The following THSD7B variants were observed in gnomAD, a reference collection of about 807,000 sequenced individuals.
The protein encoded by THSD7B is thrombospondin type-1 domain-containing protein 7B.
A neutral mutation model predicts 213.6 loss-of-function variants in THSD7B; 138 were observed. The observed-to-expected ratio is 0.65, with a 90% CI of 0.56 to 0.74. The LOEUF is 0.74. Ranked by LOEUF, THSD7B falls within the 30% of genes least tolerant of loss-of-function variation. The pLI is 0.00. For missense variants in THSD7B, 1,931 were observed against 1,991.5 expected, an observed-to-expected ratio of 0.97 and a Z score of 0.58; for synonymous variants, 742 against 687.0, an observed-to-expected ratio of 1.08 and a Z score of -1.25.
intron 10 of THSD7B, among the ~76,000 whole-genome samples, chr2:137,250,458 C>T (rs563784287): frequency 5.9e-5 from 9 of 152,148 alleles, no homozygotes; most frequent in African/African-American, 2.2e-4. Context: ...TTACCTCAAC[C>T]TTATGTTGAA....
chr2:137,366,480 G>A (rs1293136316), intron 12 of THSD7B, among the ~76,000 whole-genome samples: 1 of 152,000 alleles, frequency 6.6e-6, no homozygotes, highest in Non-Finnish European at 1.5e-5. Flanking sequence ...AGACTTTTGG[G>A]AAGGATCAAA....
intron 17 of THSD7B, among the ~76,000 whole-genome samples, chr2:137,583,323 G>A (rs1344218699): frequency 2.6e-5 from 4 of 152,120 alleles, no homozygotes; most frequent in African/African-American, 9.7e-5. Flanking sequence ...CTTTTGCTGT[G>A]CATAAGCTCT....
At chr2:136,949,310 T>C (rs1006003522) in intron 2 of THSD7B, among the ~76,000 whole-genome samples, 1 of 152,218 alleles carries the variant, frequency 6.6e-6, no homozygotes, top group Admixed American at 6.5e-5. Context: ...TGTGATTCTC[T>C]AAATTAATTT....
Position 137,464,050 on chromosome 2 carries a change from A to C in THSD7B, c.3138+13027A>C, listed in dbSNP as rs549681619. Among the ~76,000 whole-genome samples, 98 of 152,090 alleles carry C rather than the reference A, an allele frequency of 6.4e-4. 1 individual carries two copies. Among genetic ancestry groups the C allele is most frequent in the African/African-American group, 2.3e-3 (95 of 41,514 alleles). On this transcript the variant is annotated intron_variant, in intron 15 of 27. Coordinates refer to ENST00000409968, the MANE Select transcript of THSD7B (RefSeq NM_001316349.2). ...TGGCTCCTATGGTTAGGAGGTTTAG[A>C]CCATAGGAATATAGATATTTGTCAT... is the stretch of plus-strand genomic sequence containing the variant.
In THSD7B at chr2:137,056,511, CCTGT is replaced by C; in HGVS notation, c.234_237del (p.Ser79ThrfsTer53). On this transcript the variant is annotated frameshift_variant, in exon 3 of 28. Coordinates refer to ENST00000409968, the MANE Select transcript of THSD7B (RefSeq NM_001316349.2). LOFTEE classifies it high-confidence loss of function. ...TTCATGTTGACGGGTGGACAAGTCA[CCTGT>C]CTAACTGTGGTGAGAGCAACAGGCC... is the stretch of plus-strand genomic sequence containing the variant. 4 of 1,613,962 alleles carry C rather than the reference CCTGT, an allele frequency of 2.5e-6. No individual in the cohort carries two copies. The highest frequency in any genetic ancestry group is 3.4e-6 in the Non-Finnish European group (4 of 1,179,870).
At chr2:136,974,748 G>A (rs1198176722) in intron 2 of THSD7B, among the ~76,000 whole-genome samples, 1 of 152,098 alleles carries the variant, frequency 6.6e-6, no homozygotes, top group East Asian at 1.9e-4. Flanking sequence ...TGACATTTCT[G>A]GTTCTAGGTC....
At chr2:137,389,402 A>ATTTTTTTTTTTTTTTT (rs70978214) in intron 12 of THSD7B, among the ~76,000 whole-genome samples, 2 of 38,078 alleles carry the variant, frequency 5.3e-5, no homozygotes, top group East Asian at 1.1e-3. Flanking sequence ...TCTTAATGTG[A>ATTTTTTTTTTTTTTTT]TTTTTTTTTT....
chr2:137,411,559 A>C, intron 13 of THSD7B, 50 bp from the exon 14 acceptor site: 1 of 1,523,816 alleles, frequency 6.6e-7, no homozygotes, highest in East Asian at 2.3e-5. Flanking sequence ...GTGACTTTTA[A>C]CAAAACAGCA....
At chr2:136,829,303 G>T (rs913057866) in intron 1 of THSD7B, among the ~76,000 whole-genome samples, 2 of 151,942 alleles carry the variant, frequency 1.3e-5, no homozygotes, top group Non-Finnish European at 2.9e-5. Flanking sequence ...ACAGTGTTTT[G>T]CACATAGCAT....
At chr2:136,853,046 GTGTGCA>G (rs887035504) in intron 1 of THSD7B, among the ~76,000 whole-genome samples, 1 of 151,984 alleles carries the variant, frequency 6.6e-6, no homozygotes, top group Non-Finnish European at 1.5e-5. Flanking sequence ...GCATGTGTGT[GTGTGCA>G]TGTGCATGTG....
intron 12 of THSD7B, among the ~76,000 whole-genome samples, chr2:137,362,821 G>A (rs1265170948): frequency 1.3e-5 from 2 of 152,190 alleles, no homozygotes; most frequent in Admixed American, 1.3e-4. Context: ...ATAGTAGACA[G>A]ATCAATGAGA....
At chr2:136,826,295 G>A (rs1407023475) in intron 1 of THSD7B, among the ~76,000 whole-genome samples, 1 of 152,204 alleles carries the variant, frequency 6.6e-6, no homozygotes, top group East Asian at 1.9e-4. Flanking sequence ...ATCATTTGCA[G>A]TTTTTATCTG....
At chr2:137,237,800 G>C (rs775514944) in intron 9 of THSD7B, among the ~76,000 whole-genome samples, 2 of 151,978 alleles carry the variant, frequency 1.3e-5, no homozygotes, top group Non-Finnish European at 2.9e-5. Flanking sequence ...TAGATAAAGA[G>C]GAAGAGAAAG....
chr2:137,045,441 A>T (rs1238597231), intron 2 of THSD7B, among the ~76,000 whole-genome samples: 1 of 152,212 alleles, frequency 6.6e-6, no homozygotes, highest in Non-Finnish European at 1.5e-5. Context: ...AAGGATTCAC[A>T]TCCCCAGGCA....
At chr2:136,809,392 G>C (rs1682340748) in intron 1 of THSD7B, among the ~76,000 whole-genome samples, 1 of 152,204 alleles carries the variant, frequency 6.6e-6, no homozygotes, top group Non-Finnish European at 1.5e-5. Context: ...CCAGAGGCTA[G>C]AGCTAAGTGA....
chr2:137,213,068 A>G (rs1681156548), intron 7 of THSD7B, among the ~76,000 whole-genome samples: 1 of 150,116 alleles, frequency 6.7e-6, no homozygotes, highest in Non-Finnish European at 1.5e-5. Flanking sequence ...AAACGTTGTC[A>G]GGTATGTAAT....
At chr2:136,976,660 G>A (rs920476196) in intron 2 of THSD7B, among the ~76,000 whole-genome samples, 1 of 151,436 alleles carries the variant, frequency 6.6e-6, no homozygotes, top group African/African-American at 2.4e-5. Context: ...TTGAGATGGA[G>A]TCTCGCTCTG....
chr2:137,598,207 C>T (rs1553462929), intron 17 of THSD7B, among the ~76,000 whole-genome samples: 1 of 152,090 alleles, frequency 6.6e-6, no homozygotes, highest in Non-Finnish European at 1.5e-5. Flanking sequence ...GGAACTAGAC[C>T]AGTGACACAA....
chr2:136,780,410 G>C (rs1355384084), intron 1 of THSD7B, among the ~76,000 whole-genome samples: 3 of 152,138 alleles, frequency 2.0e-5, no homozygotes, highest in Non-Finnish European at 2.9e-5. Flanking sequence ...TGGAGGTTAG[G>C]AGTTCAACAT....
Sources: allele counts gnomAD v4.1 joint callset (sites outside exome capture counted in the v4.1 genomes callset), GRCh38; gene constraint gnomAD v4.1.1; transcripts MANE v1.5; gene names NCBI Gene and HGNC (gene_info 2026-07-23, HGNC 2026-07-21).